Variants in TENM1 observed in about 807,000 individuals in gnomAD.
TENM1 encodes the protein teneurin transmembrane protein 1.
TENM1 carries 35 observed loss-of-function variants against 174.8 expected under a neutral mutation model. The observed-to-expected ratio is 0.20, with a 90% CI of 0.15 to 0.27. The LOEUF is 0.27. Ranked by LOEUF, TENM1 falls within the 10% of genes least tolerant of loss-of-function variation. The pLI, the probability that TENM1 is intolerant of heterozygous loss-of-function variation, is 1.00. For missense variants in TENM1, 1,633 were observed against 2,130.1 expected, an observed-to-expected ratio of 0.77 and a Z score of 4.59; for synonymous variants, 781 against 798.7, an observed-to-expected ratio of 0.98 and a Z score of 0.37.
intron 11 of TENM1, among the ~76,000 whole-genome samples, chrX:124,588,113 A>C (rs1038091964): frequency 9.0e-6 from 1 of 111,612 alleles, no homozygotes; most frequent in African/African-American, 3.3e-5. Flanking sequence ...TAGTTCAACC[A>C]TTGTGGAAGT....
At chrX:125,109,530 C>T in the TENM1 span, among the ~76,000 whole-genome samples, 2 of 110,908 alleles carry the variant, frequency 1.8e-5, no homozygotes, top group African/African-American at 6.6e-5. Flanking sequence ...TCCTTCCCAT[C>T]GCCCTCCCCA....
chrX:124,966,022 G>T (rs1381178886), upstream of TENM1, among the ~76,000 whole-genome samples: 5 of 111,807 alleles, frequency 4.5e-5, no homozygotes, highest in African/African-American at 1.6e-4. Flanking sequence ...AGAACTTGAA[G>T]TCATTTTTGA....
chrX:124,865,159 T>C lies in TENM1; in HGVS notation c.535+29137A>G, dbSNP rs1335107164. ...AGAAGAGGACATTAATGAGCAATAA[T>C]GACCTGAAGGCACAAATCTCACTGG... On this transcript the variant is annotated intron_variant, in intron 3 of 31. Transcript: ENST00000422452. Among the ~76,000 whole-genome samples, 3 of 111,464 alleles carry C rather than the reference T, an allele frequency of 2.7e-5. No individual in the cohort carries two copies. In the East Asian group the frequency reaches 8.5e-4, roughly 32 times the overall value.
chrX:125,088,981 C>T, the TENM1 span, among the ~76,000 whole-genome samples: 3 of 111,391 alleles, frequency 2.7e-5, no homozygotes, highest in African/African-American at 6.5e-5. Context: ...AAAGGACTCA[C>T]TGTATTCCAA....
intron 11 of TENM1, among the ~76,000 whole-genome samples, chrX:124,589,812 T>C (rs2049685056): frequency 8.9e-6 from 1 of 111,847 alleles, no homozygotes; most frequent in African/African-American, 3.2e-5. Context: ...CCCTTTTTTA[T>C]TTTTTAATCT....
intron 25 of TENM1, among the ~76,000 whole-genome samples, chrX:124,414,120 T>A (rs190647727): frequency 8.9e-6 from 1 of 111,946 alleles, no homozygotes; most frequent in Non-Finnish European, 1.9e-5. Context: ...GTTTGTTTTT[T>A]GTTTTCTTGA....
chrX:124,664,299 C>T (rs751897711), intron 6 of TENM1, among the ~76,000 whole-genome samples: 19 of 110,810 alleles, frequency 1.7e-4, no homozygotes, highest in African/African-American at 6.2e-4. Context: ...ATTGCAGAAC[C>T]ACAGAATTAT....
the TENM1 span, among the ~76,000 whole-genome samples, chrX:125,106,332 A>T: frequency 8.9e-6 from 1 of 112,040 alleles, no homozygotes; most frequent in Admixed American, 9.5e-5. Context: ...AGTTTTGCAG[A>T]CTACTTATAG....
chrX:124,959,531 C>T (rs908373484), intron 1 of TENM1, among the ~76,000 whole-genome samples: 11 of 110,814 alleles, frequency 9.9e-5, no homozygotes, highest in Non-Finnish European at 1.9e-4. Flanking sequence ...CTCATCCATC[C>T]CCTGGCATCT....
chrX:124,669,557 T>G (rs2051870226), intron 6 of TENM1, among the ~76,000 whole-genome samples: 1 of 104,766 alleles, frequency 9.5e-6, no homozygotes, highest in Admixed American at 1.0e-4. Flanking sequence ...CATATGGCAT[T>G]AAAAAAAAAA....
intron 22 of TENM1, among the ~76,000 whole-genome samples, chrX:124,462,427 T>TGG (rs2061186072): frequency 3.6e-5 from 2 of 55,766 alleles, no homozygotes; most frequent in Admixed American, 2.5e-4. Context: ...ACTGTGTGTG[T>TGG]GTGTGGGGGG....
chrX:124,758,218 T>C (rs960003963), intron 3 of TENM1, among the ~76,000 whole-genome samples: 7 of 111,359 alleles, frequency 6.3e-5, no homozygotes, highest in African/African-American at 2.0e-4. Context: ...GATTAAAAAA[T>C]GGGCAAAGGA....
At chrX:124,750,370 A>G (rs1027401749) in intron 3 of TENM1, among the ~76,000 whole-genome samples, 5 of 111,720 alleles carry the variant, frequency 4.5e-5, no homozygotes, top group African/African-American at 1.6e-4. Context: ...TTATAACCCA[A>G]ATGAAATAAG....
chrX:125,035,734 T>C, the TENM1 span, among the ~76,000 whole-genome samples: 47 of 111,660 alleles, frequency 4.2e-4, no homozygotes, highest in African/African-American at 1.5e-3. Context: ...GAACCATTAA[T>C]GGTCTGAAAA....
At chrX:124,974,901 T>TATATATATATATAATATATATATATAA in the TENM1 span, among the ~76,000 whole-genome samples, 2 of 97,568 alleles carry the variant, frequency 2.0e-5, no homozygotes, top group African/African-American at 7.5e-5. Flanking sequence ...TATATATATA[T>TATATATATATATAATATATATATATAA]AAAATAATTT....
chrX:124,665,201 A>G (rs2051722510), intron 6 of TENM1, among the ~76,000 whole-genome samples: 1 of 111,415 alleles, frequency 9.0e-6, no homozygotes, highest in African/African-American at 3.3e-5. Context: ...TTAGCCTGGC[A>G]TGGTGGCACA....
At chrX:124,718,415 T>C (rs373265326) in intron 4 of TENM1, among the ~76,000 whole-genome samples, 1 of 112,337 alleles carries the variant, frequency 8.9e-6, no homozygotes, top group Admixed American at 9.5e-5. Flanking sequence ...TTTCCATCTT[T>C]ATGCATTACC....
intron 3 of TENM1, among the ~76,000 whole-genome samples, chrX:124,867,182 T>C (rs1347665060): frequency 9.0e-6 from 1 of 110,567 alleles, no homozygotes; most frequent in Non-Finnish European, 1.9e-5. Context: ...TAAAGACATA[T>C]CAAAAAAAGA....
At chrX:124,922,655 A>G (rs1429143593) in intron 1 of TENM1, among the ~76,000 whole-genome samples, 3 of 111,189 alleles carry the variant, frequency 2.7e-5, no homozygotes, top group Non-Finnish European at 3.8e-5. Context: ...TTTTGTGCAA[A>G]GTCTTGAAAA....
Sources: gnomAD v4.1 joint callset for allele counts (sites outside exome capture counted in the v4.1 genomes callset) on GRCh38, gnomAD v4.1.1 for gene constraint, MANE v1.5 for transcripts, NCBI Gene and HGNC (gene_info 2026-07-23, HGNC 2026-07-21) for gene names.